PTPRZ1: variants seen among roughly 807,000 people sequenced by gnomAD.
The protein encoded by PTPRZ1 is receptor-type tyrosine-protein phosphatase zeta.
In PTPRZ1, 82 loss-of-function variants were observed where a neutral mutation model predicts 214.1. The ratio of observed to expected loss-of-function variants is 0.38; its 90% CI spans 0.32 to 0.46. The LOEUF (loss-of-function observed/expected upper bound fraction) is 0.46. Ranked by LOEUF, PTPRZ1 falls within the 20% of genes least tolerant of loss-of-function variation. PTPRZ1 has a pLI of 1.00. For synonymous variants in PTPRZ1, 945 were observed against 987.9 expected (o/e 0.96, Z 0.81); for missense variants, 2,603 against 2,748.7 (o/e 0.95, Z 1.19).
At chr7:122,020,168 GT>G (rs997946585) in intron 13 of PTPRZ1, among the ~76,000 whole-genome samples, 1 of 151,886 alleles carries the variant, frequency 6.6e-6, no homozygotes, top group Non-Finnish European at 1.5e-5. Flanking sequence ...ATATTCTCGT[GT>G]TTTTTTCTGA....
intron 1 of PTPRZ1, among the ~76,000 whole-genome samples, chr7:121,873,839 C>T (rs117797101): frequency 2.0e-5 from 3 of 152,172 alleles, no homozygotes; most frequent in Admixed American, 1.3e-4. Flanking sequence ...GAGGGCTACT[C>T]GGATCCCTGC....
chr7:121,958,710 C>T (rs985465735), intron 2 of PTPRZ1, among the ~76,000 whole-genome samples: 24 of 152,336 alleles, frequency 1.6e-4, no homozygotes, highest in African/African-American at 5.5e-4. Flanking sequence ...CCATGATACA[C>T]TCAGGTATGT....
chr7:121,951,967 T>A (rs28542832), intron 2 of PTPRZ1, among the ~76,000 whole-genome samples: 9,911 of 107,974 alleles, frequency 0.092, 422 homozygotes, highest in African/African-American at 0.12. Flanking sequence ...TTATTTATTT[T>A]TTTTTTTTTG....
At chr7:122,034,605 A>C (rs1445003608) in intron 17 of PTPRZ1, among the ~76,000 whole-genome samples, 1 of 152,100 alleles carries the variant, frequency 6.6e-6, no homozygotes, top group African/African-American at 2.4e-5. Context: ...ACAAACTTAG[A>C]ATTTTAATCC....
chr7:122,025,074 C>T (rs1799167963), intron 13 of PTPRZ1, among the ~76,000 whole-genome samples: 1 of 152,110 alleles, frequency 6.6e-6, no homozygotes, highest in South Asian at 2.1e-4. Context: ...TCTAATCATT[C>T]AACAAATATT....
At chr7:122,034,787 GT>G (rs1799487811) in intron 17 of PTPRZ1, among the ~76,000 whole-genome samples, 1 of 151,810 alleles carries the variant, frequency 6.6e-6, no homozygotes. Flanking sequence ...ACCTTTACCT[GT>G]TTCCTCCCTT....
At chr7:122,051,334 GGTGTGTGTGTGTGTGTCTGTATGTATGT>G in intron 23 of PTPRZ1, 66 bp from the exon 24 acceptor site, 2 of 682,582 alleles carry the variant, frequency 2.9e-6, no homozygotes, top group Non-Finnish European at 4.8e-6. Context: ...TATCTTGATT[GGTGTGTGTGTGTGTGTCTGTATGTATGT>G]GTGTGTGTGT....
At chr7:122,007,074 G>C (rs1233787065) in intron 11 of PTPRZ1, among the ~76,000 whole-genome samples, 1 of 152,058 alleles carries the variant, frequency 6.6e-6, no homozygotes, top group Non-Finnish European at 1.5e-5. Context: ...ATGGAGACAG[G>C]TGGAGAGAGG....
chr7:121,940,373 C>T (rs930976383), intron 2 of PTPRZ1, among the ~76,000 whole-genome samples: 1 of 152,138 alleles, frequency 6.6e-6, no homozygotes. Flanking sequence ...TCAACATTGT[C>T]ACACATAGTT....
chr7:121,933,237 T>C (rs1043713886), intron 2 of PTPRZ1, among the ~76,000 whole-genome samples: 6 of 151,980 alleles, frequency 3.9e-5, no homozygotes, highest in African/African-American at 1.4e-4. Flanking sequence ...CTAGGAGATG[T>C]TAAAAATCTT....
chr7:121,960,180 G>A (rs7794323), intron 2 of PTPRZ1, among the ~76,000 whole-genome samples: 13 of 152,056 alleles, frequency 8.5e-5, no homozygotes, highest in Non-Finnish European at 1.8e-4. Context: ...CTGTAATTAC[G>A]GGCGTGCGCC....
At position 121,967,941 on chromosome 7, in the gene PTPRZ1, T is replaced by G; in HGVS notation, c.125-10T>G. The G allele has an allele frequency of 6.5e-7, 1 of 1,530,966 alleles. No individual in the cohort carries two copies. The highest frequency in any genetic ancestry group is 8.9e-7 in the Non-Finnish European group (1 of 1,124,796). 94.8% of individuals were successfully genotyped at this position (1,530,966 alleles called of 1,614,324 possible). On this transcript the variant is annotated splice_polypyrimidine_tract_variant and intron_variant, in intron 2 of 29. Transcript: ENST00000393386. ...AAGAAACTAAATTTCTTACTCCTTCTTTTCCCTAGGAGCACTGAATCAAAA... is the reference window on the plus strand; with the variant it reads ...AAGAAACTAAATTTCTTACTCCTTCGTTTCCCTAGGAGCACTGAATCAAAA...
At chr7:121,933,394 C>T (rs182204856) in intron 2 of PTPRZ1, among the ~76,000 whole-genome samples, 116 of 151,974 alleles carry the variant, frequency 7.6e-4, no homozygotes, top group Non-Finnish European at 1.4e-3. Context: ...TATATTATTT[C>T]TTTTTCACCA....
chr7:122,019,289 G>A lies in PTPRZ1; in HGVS notation c.4988+21G>A, dbSNP rs1055190890. The A allele has an allele frequency of 5.6e-6, 9 of 1,593,696 alleles. No individual in the cohort carries two copies. In the African/African-American group the frequency reaches 1.2e-4, roughly 22 times the overall value. On this transcript the variant is annotated intron_variant, in intron 13 of 29. Coordinates refer to ENST00000393386, the MANE Select transcript of PTPRZ1 (RefSeq NM_002851.3). ...TGGAGGTAAGTTGAGTATTTGTTTT[G>A]GAAAATTTAATTCATAAAACTCAGA...
At chr7:121,881,057 C>CGGCAGG in intron 1 of PTPRZ1, among the ~76,000 whole-genome samples, 1 of 152,278 alleles carries the variant, frequency 6.6e-6, no homozygotes, top group South Asian at 2.1e-4. Flanking sequence ...AAGCCCTAAC[C>CGGCAGG]TGCCATTGTG....
At chr7:121,951,515 CAG>C (rs949589363) in intron 2 of PTPRZ1, among the ~76,000 whole-genome samples, 22 of 152,288 alleles carry the variant, frequency 1.4e-4, no homozygotes, top group African/African-American at 4.6e-4. Context: ...CTATAGCGAA[CAG>C]AGAATTTGCT....
At chr7:122,050,636 A>G (rs927637846) in intron 23 of PTPRZ1, among the ~76,000 whole-genome samples, 1 of 152,106 alleles carries the variant, frequency 6.6e-6, no homozygotes, top group Non-Finnish European at 1.5e-5. Flanking sequence ...GATGTTTCCA[A>G]CTTTTTACAC....
chr7:121,917,987 C>G (rs727766), intron 1 of PTPRZ1, among the ~76,000 whole-genome samples: 90,667 of 151,432 alleles, frequency 0.6, 27,505 homozygotes, highest in African/African-American at 0.69. Flanking sequence ...GAAAAATTAT[C>G]AATTTATTAT....
intron 2 of PTPRZ1, among the ~76,000 whole-genome samples, chr7:121,963,586 A>G (rs1796944881): frequency 6.6e-6 from 1 of 152,158 alleles, no homozygotes; most frequent in Non-Finnish European, 1.5e-5. Flanking sequence ...TGCATGTTTC[A>G]TTAGCATCTT....
Sources: allele counts gnomAD v4.1 joint callset (sites outside exome capture counted in the v4.1 genomes callset), GRCh38; gene constraint gnomAD v4.1.1; transcripts MANE v1.5; gene names NCBI Gene and HGNC (gene_info 2026-07-23, HGNC 2026-07-21).